LILRA4: variants seen among roughly 807,000 people sequenced by gnomAD.
The protein encoded by LILRA4 is leukocyte immunoglobulin-like receptor subfamily A member 4.
In LILRA4, 51 loss-of-function variants were observed where a neutral mutation model predicts 49.5. The observed-to-expected ratio is 1.03, with a 90% CI of 0.82 to 1.30. LILRA4 has a LOEUF of 1.30. Among genes scored for constraint, LILRA4 ranks in the 50% most tolerant of loss-of-function variants. The pLI, the probability that LILRA4 is intolerant of heterozygous loss-of-function variation, is 0.00. For missense variants in LILRA4, 624 were observed against 625.6 expected (o/e 1.00, Z 0.03); for synonymous variants, 272 against 265.6 (o/e 1.02, Z -0.23).
rs1367456689 is a variant in LILRA4 at position 54,337,500 on chromosome 19, A to G, written c.852T>C (p.Pro284=). The G allele has an allele frequency of 6.2e-7, 1 of 1,612,528 alleles. No homozygotes were observed. Among genetic ancestry groups the G allele is most frequent in the Non-Finnish European group, 8.5e-7 (1 of 1,179,844 alleles). Residue 284 remains proline, a synonymous_variant, in exon 5 of 8, where the codon CCT becomes CCC. Transcript: ENST00000291759. ...GLSQANFTLS[P]VSRSYGGQYR... ...ACTGGCCCCCGTAGGAGCGGCTCAC[A>G]GGGCTCAGGGTGAAGTTGGCCTGGG... is the stretch of plus-strand genomic sequence containing the variant.
At position 54,338,420 on chromosome 19, in the gene LILRA4, C is replaced by G; in HGVS notation, c.331G>C (p.Asp111His). 1 of 1,614,102 alleles carries G rather than the reference C, an allele frequency of 6.2e-7. No individual in the cohort carries two copies. Among genetic ancestry groups the G allele is most frequent in the Non-Finnish European group, 8.5e-7 (1 of 1,180,012 alleles). The part of the protein sequence containing the change: ...QSPAGWSEPS[D>H]PLELVVTAYS... ...CCTGTCACCACCAGCTCCAGGGGGT[C>G]GCTGGGCTCTGACCAGCCTGCAGGG... The change falls in exon 3 of 8, where the codon GAC becomes CAC. Residue 111 changes from aspartate to histidine, a missense_variant. Asp to His is a moderately conservative substitution (Grantham distance 81, BLOSUM62 -1). Coordinates refer to ENST00000291759, the MANE Select transcript of LILRA4 (RefSeq NM_012276.5).
In LILRA4 at chr19:54,336,937, A is replaced by T; in HGVS notation, c.1159T>A (p.Ser387Thr). 1 of 1,614,222 alleles carries T rather than the reference A, an allele frequency of 6.2e-7. No individual in the cohort carries two copies. The highest frequency in any genetic ancestry group is 8.5e-7 in the Non-Finnish European group (1 of 1,180,030). ...CACCTGTAGGTCCCCGCGTGGGCTG[A>T]GGTCACAGGACTCATGGGGAATTCA... ...QAEFPMSPVT[S>T]AHAGTYRCYG... is the part of the protein sequence containing the mutation. The change falls in exon 6 of 8, where the codon TCA becomes ACA. Residue 387 changes from serine (S) to threonine (T), a missense_variant. Ser to Thr is a moderately conservative substitution (Grantham distance 58). Coordinates refer to ENST00000291759, the MANE Select transcript of LILRA4 (RefSeq NM_012276.5).
At chr19:54,335,114 ATATAAAATATATGTGATTAACATGGTT>A (rs2081310372) in intron 6 of LILRA4, 1 of 152,254 alleles carries the variant, frequency 6.6e-6, no homozygotes, top group Non-Finnish European at 1.5e-5. Flanking sequence ...ACATATATTC[ATATAAAATATATGTGATTAACATGGTT>A]TATAAAATAT....
rs1414968670 is a variant in LILRA4 at position 54,338,599 on chromosome 19, C to T, written c.152G>A (p.Gly51Asp). The change falls in exon 3 of 8, where the codon GGC (glycine) becomes GAC (aspartate). Residue 51 changes from glycine to aspartate, a missense_variant. Gly to Asp is a moderately conservative substitution (Grantham distance 94). Transcript: ENST00000291759. The part of the protein sequence containing the change: ...WHNPVTIWCQ[G>D]TLEAQGYRLD... ...ACGGTACCCCTGGGCCTCCAGGGTGCCCTGACACCAGATGGTCACGGGGTT... is the reference window on the plus strand; with the variant it reads ...ACGGTACCCCTGGGCCTCCAGGGTGTCCTGACACCAGATGGTCACGGGGTT... 1 of 1,613,934 alleles carries T rather than the reference C, an allele frequency of 6.2e-7. No individual in the cohort carries two copies. Among genetic ancestry groups the T allele is most frequent in the African/African-American group, 1.3e-5 (1 of 74,908 alleles).
Position 54,336,707 on chromosome 19 carries a change from A to C in LILRA4, c.1255+134T>G, listed in dbSNP as rs1449191537. On this transcript the variant is annotated intron_variant, in intron 6 of 7. Transcript: ENST00000291759. Reference sequence around the variant, plus strand: ...CTGAGCTGAGAGAGGCTCAGGGCTCACAAAGGCCGGGGCTGATGGAGGAAG... The same window carrying C: ...CTGAGCTGAGAGAGGCTCAGGGCTCCCAAAGGCCGGGGCTGATGGAGGAAG... 2.2e-6 allele frequency: 3 copies of C among 1,377,060 alleles called. No homozygotes were observed. In the African/African-American group the frequency reaches 4.4e-5, roughly 20 times the overall value. The allele number at this position is 1,377,060 out of a possible 1,614,324, so 85.3% of individuals were successfully genotyped here. A position where few individuals can be genotyped will look rare whatever the true frequency, so the allele number is the denominator to read the frequency against.
Position 54,338,615 on chromosome 19 carries a change from T to G in LILRA4, c.136A>C (p.Thr46Pro). Reference sequence around the variant, plus strand: ...TCCAGGGTGCCCTGACACCAGATGGTCACGGGGTTATGCCAGGTGATCACG... The same window carrying G: ...TCCAGGGTGCCCTGACACCAGATGGGCACGGGGTTATGCCAGGTGATCACG... ...GPVITWHNPVTIWCQGTLEAQ... is the reference protein window; with the variant it reads ...GPVITWHNPVPIWCQGTLEAQ... Residue 46 changes from threonine (T) to proline (P), a missense_variant, in exon 3 of 8, where the codon ACC (threonine) becomes CCC (proline). Thr to Pro is a conservative substitution (Grantham distance 38). Transcript: ENST00000291759. 1 of 1,614,104 alleles carries G rather than the reference T, an allele frequency of 6.2e-7. No homozygotes were observed. The highest frequency in any genetic ancestry group is 8.5e-7 in the Non-Finnish European group (1 of 1,180,004).
chr19:54,335,656 G>GC (rs1242296865), intron 6 of LILRA4: 1 of 152,082 alleles, frequency 6.6e-6, no homozygotes, highest in African/African-American at 2.4e-5. Flanking sequence ...CCGCCACCAT[G>GC]CCCAGCTAAT....
In LILRA4 at chr19:54,333,298, A is replaced by G. The variant is rs1413443500; in HGVS notation, c.*274T>C. 9 of 515,482 alleles carry G rather than the reference A, an allele frequency of 1.7e-5. No individual in the cohort carries two copies. The highest frequency in any genetic ancestry group is 3.1e-5 in the Non-Finnish European group (9 of 294,534). 31.9% of individuals were successfully genotyped at this position (515,482 alleles called of 1,614,324 possible). A position where few individuals can be genotyped will look rare whatever the true frequency, so the allele number is the denominator to read the frequency against. ...AGTAGTTAGAAATAAAGAAAGGTGT[A>G]TTACCTGAAAGTGGAGCAGAGCATG... On this transcript the variant is annotated 3_prime_UTR_variant, in exon 8 of 8. Coordinates refer to ENST00000291759, the MANE Select transcript of LILRA4 (RefSeq NM_012276.5).
chr19:54,336,714 C>A, intron 6 of LILRA4, 127 bp downstream of exon 6: 1 of 1,411,580 alleles, frequency 7.1e-7, no homozygotes. Context: ...CTCACAAAGG[C>A]CGGGGCTGAT....
intron 5 of LILRA4, 80 bp from the exon 6 acceptor site, chr19:54,337,223 C>T (rs541820217): frequency 7.9e-6 from 12 of 1,516,306 alleles, no homozygotes; most frequent in African/African-American, 1.4e-5. Context: ...CTCCCTGGGA[C>T]CCTCAGTCTG....
intron 1 of LILRA4, 65 bp from the exon 2 acceptor site, chr19:54,338,966 G>T: frequency 1.2e-6 from 2 of 1,613,108 alleles, no homozygotes; most frequent in Non-Finnish European, 1.7e-6. Context: ...TCTTTTCCTT[G>T]AGCCCCTGGG....
In LILRA4 at chr19:54,338,229, C is replaced by G. The variant is rs1347158231; in HGVS notation, c.362G>C (p.Ser121Thr). 26 of 1,605,976 alleles carry G rather than the reference C, an allele frequency of 1.6e-5. No homozygotes were observed. Among genetic ancestry groups the G allele is most frequent in the Non-Finnish European group, 2.1e-5 (25 of 1,175,142 alleles). Residue 121 changes from serine to threonine, a missense_variant, in exon 4 of 8, where the codon AGC becomes ACC. Coordinates refer to ENST00000291759, the MANE Select transcript of LILRA4 (RefSeq NM_012276.5). ...TGGCAGTGCGGACAGGGTGGGTCTG[C>G]TGTAGGCTTTCAAGAGAAAAAAAGG... ...DPLELVVTAY[S>T]RPTLSALPSP...
At position 54,333,372 on chromosome 19, in the gene LILRA4, A is replaced by G. The variant is rs2081290479; in HGVS notation, c.*200T>C. 8.1e-6 allele frequency: 5 copies of G among 621,044 alleles called. No individual in the cohort carries two copies. The highest frequency in any genetic ancestry group is 2.8e-5 in the East Asian group (1 of 36,228). 38.5% of individuals were successfully genotyped at this position (621,044 alleles called of 1,614,324 possible). Reference sequence around the variant, plus strand: ...ACCCACCATAGGGGTGAAGCCTTACATCATAGGGAAGAAAAACGAAGGAAG... The same window carrying G: ...ACCCACCATAGGGGTGAAGCCTTACGTCATAGGGAAGAAAAACGAAGGAAG... On this transcript the variant is annotated 3_prime_UTR_variant, in exon 8 of 8. Transcript: ENST00000291759.
intron 6 of LILRA4, 117 bp downstream of exon 6, chr19:54,336,724 T>G: frequency 5.6e-6 from 8 of 1,434,314 alleles, no homozygotes; most frequent in African/African-American, 1.5e-5. Flanking sequence ...CCGGGGCTGA[T>G]GGAGGAAGAA....
Position 54,338,176 on chromosome 19 carries a change from C to G in LILRA4, c.415G>C (p.Val139Leu). 1 of 1,614,052 alleles carries G rather than the reference C, an allele frequency of 6.2e-7. No homozygotes were observed. The highest frequency in any genetic ancestry group is 8.5e-7 in the Non-Finnish European group (1 of 1,179,952). The change falls in exon 4 of 8, where the codon GTG (valine) becomes CTG (leucine). Residue 139 changes from valine (V) to leucine (L), a missense_variant. Val to Leu is a conservative substitution (Grantham distance 32). Transcript: ENST00000291759. ...PSPVVTSGVN[V>L]TLRCASRLGL... ...AGCCGTGAGGCACACCGGAGGGTCACGTTCACTCCTGAGGTCACCACAGGG... is the reference window on the plus strand; with the variant it reads ...AGCCGTGAGGCACACCGGAGGGTCAGGTTCACTCCTGAGGTCACCACAGGG...
chr19:54,337,672 A>T lies in LILRA4; in HGVS notation c.680T>A (p.Leu227Gln). 6.2e-7 allele frequency: 1 copy of T among 1,612,874 alleles called. No individual in the cohort carries two copies. Among genetic ancestry groups the T allele is most frequent in the Non-Finnish European group, 8.5e-7 (1 of 1,179,636 alleles). The change falls in exon 5 of 8, where the codon CTG becomes CAG. Residue 227 changes from leucine (L) to glutamine (Q), a missense_variant. By Grantham distance (113) the Leu-to-Gln change is moderately radical (BLOSUM62 -2). Coordinates refer to ENST00000291759, the MANE Select transcript of LILRA4 (RefSeq NM_012276.5). The part of the protein sequence containing the change: ...VSGVSRKPSL[L>Q]TLQGPVVTPG... ...GGTCACGACAGGGCCCTGCAGGGTC[A>T]GGAGGGAGGGCTTCCTAGACACGCC...
intron 6 of LILRA4, 111 bp from the exon 7 acceptor site, chr19:54,334,076 G>T: frequency 1.2e-6 from 1 of 864,788 alleles, no homozygotes; most frequent in Non-Finnish European, 1.9e-6. Context: ...TAGATCCTTA[G>T]TGAACACATT....
Position 54,338,492 on chromosome 19 carries a change from A to G in LILRA4, c.259T>C (p.Ser87Pro), listed in dbSNP as rs562976338. ...CGCCCTGCATGTTCCCACATCATGG[A>G]TGGGATGGAGAGTTTGACCTTGTTT... ...SENKVKLSIP[S>P]MMWEHAGRYH... is the part of the protein sequence containing the mutation. The change falls in exon 3 of 8, where the codon TCC (serine) becomes CCC (proline). Residue 87 changes from serine (S) to proline (P), a missense_variant. Coordinates refer to ENST00000291759, the MANE Select transcript of LILRA4 (RefSeq NM_012276.5). 5 of 1,614,056 alleles carry G rather than the reference A, an allele frequency of 3.1e-6. No homozygotes were observed. The Admixed American group carries it at 5.0e-5, about 16-fold the overall frequency.
At chr19:54,337,822 G>T (rs2081347195) in intron 4 of LILRA4, 114 bp downstream of exon 4, 1 of 1,442,928 alleles carries the variant, frequency 6.9e-7, no homozygotes, top group African/African-American at 1.4e-5. Context: ...GTGTCCCCAG[G>T]GCCCCCATCT....
Sources: allele counts gnomAD v4.1 joint callset, GRCh38; gene constraint gnomAD v4.1.1; transcripts MANE v1.5; gene names NCBI Gene and HGNC (gene_info 2026-07-23, HGNC 2026-07-21).